Variants in GALNT18 observed in about 807,000 individuals in gnomAD.
The protein encoded by GALNT18 is polypeptide N-acetylgalactosaminyltransferase 18.
Under a neutral mutation model 69.5 loss-of-function variants are expected in GALNT18, and 44 were observed. That is an observed-to-expected ratio of 0.63 (90% CI 0.50 to 0.81). The LOEUF (loss-of-function observed/expected upper bound fraction) is 0.81, where lower values mean the gene tolerates loss of function less well. Among genes scored for constraint, GALNT18 ranks in the 40% least tolerant of loss-of-function variants. The pLI is 0.00. For missense variants in GALNT18, 715 were observed against 810.0 expected (o/e 0.88, Z 1.42); for synonymous variants, 364 against 318.2 (o/e 1.14, Z -1.53).
In GALNT18 at chr11:11,614,064, G is replaced by A. The variant is rs552394576; in HGVS notation, c.235+7295C>T. On this transcript the variant is annotated intron_variant, in intron 1 of 10. Coordinates refer to ENST00000227756, the MANE Select transcript of GALNT18 (RefSeq NM_198516.3). The surrounding 1 kb of genome is among the most constrained non-coding windows in gnomAD (Gnocchi z 5.6). ...TAGAACCCAGCTAACAAAAAGCCAAGCTTGGCTTTCTGCCACAAACCAAAG... is the reference window on the plus strand; with the variant it reads ...TAGAACCCAGCTAACAAAAAGCCAAACTTGGCTTTCTGCCACAAACCAAAG... 2.6e-5 allele frequency among the ~76,000 whole-genome samples: 4 copies of A among 152,298 alleles called. No individual in the cohort carries two copies. In the East Asian group the frequency reaches 5.8e-4, roughly 22 times the overall value.
intron 10 of GALNT18, among the ~76,000 whole-genome samples, chr11:11,288,813 G>T (rs1281387619): frequency 2.6e-5 from 4 of 152,026 alleles, no homozygotes; most frequent in Non-Finnish European, 5.9e-5. Context: ...AGAAAATCAG[G>T]GTATGAGATG....
rs1183120550 is a variant in GALNT18, at chr11:11,463,194, TCAGA to T, written c.236-14262_236-14259del. Reference sequence around the variant, plus strand: ...TATCCTCACACATGGACATACACACTCAGACAGACAGACAGACACACACACACAC... The same window carrying T: ...TATCCTCACACATGGACATACACACTCAGACAGACAGACACACACACACAC... On this transcript the variant is annotated intron_variant, in intron 1 of 10. Transcript: ENST00000227756. The surrounding 1 kb of genome is among the most constrained non-coding windows in gnomAD (Gnocchi z 4.2). Among the ~76,000 whole-genome samples, 9 of 136,420 alleles carry T rather than the reference TCAGA, an allele frequency of 6.6e-5. No individual in the cohort carries two copies. The highest frequency in any genetic ancestry group is 1.4e-4 in the Non-Finnish European group (9 of 63,788). 89.5% of individuals were successfully genotyped at this position (136,420 alleles called of 152,430 possible).
rs541766403 is a variant in GALNT18 at position 11,295,292 on chromosome 11, C to T, written c.1513-2099G>A. Among the ~76,000 whole-genome samples the T allele has an allele frequency of 2.0e-5, 3 of 152,102 alleles. No individual in the cohort carries two copies. In the South Asian group the frequency reaches 6.2e-4, roughly 32 times the overall value. ...CGGCCCACTTTAGTAGGGGGAGACC[C>T]GAGGAGTATGTAATAAAGGCACCAT... On this transcript the variant is annotated intron_variant, in intron 9 of 10. Transcript: ENST00000227756.
intron 1 of GALNT18, among the ~76,000 whole-genome samples, chr11:11,471,580 G>A (rs919013936): frequency 2.0e-5 from 3 of 152,098 alleles, no homozygotes; most frequent in African/African-American, 7.2e-5. Context: ...GCATGCACCA[G>A]CTCCACCATG....
At chr11:11,448,624 G>A in intron 2 of GALNT18, 120 bp downstream of exon 2, 1 of 735,456 alleles carries the variant, frequency 1.4e-6, no homozygotes. Flanking sequence ...ACAGGCCCTG[G>A]CTGAAGCAGG....
In GALNT18 at chr11:11,435,352, G is replaced by A. The variant is rs918891759; in HGVS notation, c.429-2565C>T. Among the ~76,000 whole-genome samples, 3 of 152,156 alleles carry A rather than the reference G, an allele frequency of 2.0e-5. No individual in the cohort carries two copies. Among genetic ancestry groups the A allele is most frequent in the Non-Finnish European group, 4.4e-5 (3 of 68,004 alleles). ...AGTAGCAGCCCTGATGGTTTGAGCT[G>A]CCAGTCTCTGGAAGCTGGTCTCCGG... On this transcript the variant is annotated intron_variant, in intron 2 of 10. Transcript: ENST00000227756. The surrounding 1 kb of genome is among the most constrained non-coding windows in gnomAD (Gnocchi z 4.4).
intron 1 of GALNT18, among the ~76,000 whole-genome samples, chr11:11,529,870 G>T (rs929342109): frequency 6.6e-6 from 1 of 152,106 alleles, no homozygotes; most frequent in Non-Finnish European, 1.5e-5. Context: ...CTTTACCCAG[G>T]TTTAACTCTC....
Position 11,601,515 on chromosome 11 carries a change from C to A in GALNT18, c.235+19844G>T, listed in dbSNP as rs1448901070. Reference sequence around the variant, plus strand: ...TGGCTGGACTGCCCGATTGGTTTCACCTCCAGCTGTTAGCCTCCACTAGTT... The same window carrying A: ...TGGCTGGACTGCCCGATTGGTTTCAACTCCAGCTGTTAGCCTCCACTAGTT... On this transcript the variant is annotated intron_variant, in intron 1 of 10. Coordinates refer to ENST00000227756, the MANE Select transcript of GALNT18 (RefSeq NM_198516.3). The surrounding 1 kb of genome is among the most constrained non-coding windows in gnomAD (Gnocchi z 4.0). 1.3e-5 allele frequency among the ~76,000 whole-genome samples: 2 copies of A among 152,196 alleles called. No homozygotes were observed. The highest frequency in any genetic ancestry group is 1.3e-4 in the Admixed American group (2 of 15,282).
intron 1 of GALNT18, among the ~76,000 whole-genome samples, chr11:11,516,822 G>T (rs566257051): frequency 6.6e-6 from 1 of 152,184 alleles, no homozygotes; most frequent in Non-Finnish European, 1.5e-5. Flanking sequence ...ATATGGATGT[G>T]CTAAAGCTAA....
chr11:11,315,897 G>A lies in GALNT18; in HGVS notation c.1512+11189C>T, dbSNP rs1474621187. Among the ~76,000 whole-genome samples the A allele has an allele frequency of 6.6e-6, 1 of 151,832 alleles. No homozygotes were observed. The highest frequency in any genetic ancestry group is 1.5e-5 in the Non-Finnish European group (1 of 68,000). On this transcript the variant is annotated intron_variant, in intron 9 of 10. Transcript: ENST00000227756. The surrounding 1 kb of genome is among the most constrained non-coding windows in gnomAD (Gnocchi z 5.6). ...ACCATCCTGCACCGAGAAACTGAAC[G>A]TGTGACAAACAGAAGCTGAGGGTGG...
chr11:11,455,824 C>T (rs981417876), intron 1 of GALNT18, among the ~76,000 whole-genome samples: 3 of 152,206 alleles, frequency 2.0e-5, no homozygotes, highest in Non-Finnish European at 4.4e-5. Flanking sequence ...CACAGTGACT[C>T]ATGCCTGTAA....
chr11:11,370,145 G>C (rs1850866286), intron 6 of GALNT18, among the ~76,000 whole-genome samples: 1 of 152,166 alleles, frequency 6.6e-6, no homozygotes, highest in Non-Finnish European at 1.5e-5. Flanking sequence ...ATAAGTGCCA[G>C]TAAAACCCAT....
rs1330946640 is a variant in GALNT18, at chr11:11,389,605, G to A, written c.596-10341C>T. 6.6e-6 allele frequency among the ~76,000 whole-genome samples: 1 copy of A among 152,220 alleles called. No homozygotes were observed. Among genetic ancestry groups the A allele is most frequent in the African/African-American group, 2.4e-5 (1 of 41,448 alleles). On this transcript the variant is annotated intron_variant, in intron 3 of 10. Transcript: ENST00000227756. The surrounding 1 kb of genome is among the most constrained non-coding windows in gnomAD (Gnocchi z 4.3). ...ATGCCATGATAGGTGACTGATGTCAGCTGTGTCCAGGCAGGAGTGGACGCT... is the reference window on the plus strand; with the variant it reads ...ATGCCATGATAGGTGACTGATGTCAACTGTGTCCAGGCAGGAGTGGACGCT...
intron 3 of GALNT18, among the ~76,000 whole-genome samples, chr11:11,385,868 G>C (rs1384040003): frequency 6.6e-6 from 1 of 152,140 alleles, no homozygotes; most frequent in Non-Finnish European, 1.5e-5. Context: ...AGATCATACT[G>C]GAGTGGGATA....
intron 9 of GALNT18, among the ~76,000 whole-genome samples, chr11:11,324,435 A>G (rs959243301): frequency 1.3e-5 from 2 of 152,218 alleles, no homozygotes; most frequent in Non-Finnish European, 2.9e-5. Context: ...ATCATGAATT[A>G]TAGTATATTT....
intron 1 of GALNT18, among the ~76,000 whole-genome samples, chr11:11,510,339 A>C (rs1857142290): frequency 6.6e-6 from 1 of 152,178 alleles, no homozygotes; most frequent in African/African-American, 2.4e-5. Context: ...CCCTGTGAGA[A>C]GGGCAGGTCA....
chr11:11,345,084 C>G (rs76166226), intron 6 of GALNT18, among the ~76,000 whole-genome samples: 1,528 of 152,244 alleles, frequency 0.01, 32 homozygotes, highest in African/African-American at 0.034. Flanking sequence ...GGGTTCTTCC[C>G]AAATGCCCAG....
At chr11:11,378,868 T>C (rs1057484972) in intron 4 of GALNT18, among the ~76,000 whole-genome samples, 1 of 152,166 alleles carries the variant, frequency 6.6e-6, no homozygotes, top group African/African-American at 2.4e-5. Flanking sequence ...TGCTGACCTG[T>C]TGACCCCTGG....
rs1362723554 is a variant in GALNT18 at position 11,586,511 on chromosome 11, CCA to C, written c.235+34846_235+34847del. Among the ~76,000 whole-genome samples the C allele has an allele frequency of 1.3e-5, 2 of 152,106 alleles. No homozygotes were observed. Among genetic ancestry groups the C allele is most frequent in the East Asian group, 1.9e-4 (1 of 5,188 alleles). Reference sequence around the variant, plus strand: ...CAGGGCCCAGCATCCATAACTAGCCCCAGTTTCAGCCTCTGTGAAGTGAGATC... The same window carrying C: ...CAGGGCCCAGCATCCATAACTAGCCCGTTTCAGCCTCTGTGAAGTGAGATC... On this transcript the variant is annotated intron_variant, in intron 1 of 10. Transcript: ENST00000227756. This position sits in a 1 kb window ranked among gnomAD's most constrained non-coding sequence, Gnocchi z 4.1.
Sources: gnomAD v4.1 joint callset for allele counts (sites outside exome capture counted in the v4.1 genomes callset) on GRCh38, gnomAD v4.1.1 for gene constraint, Gnocchi (gnomAD v3.1) non-coding constraint, MANE v1.5 for transcripts, NCBI Gene and HGNC (gene_info 2026-07-23, HGNC 2026-07-21) for gene names.